SCLT1: variants seen among roughly 807,000 people sequenced by gnomAD.
SCLT1 encodes sodium channel and clathrin linker 1, also known as sodium channel-associated protein 1.
A neutral mutation model predicts 112.8 loss-of-function variants in SCLT1; 78 were observed. That is an observed-to-expected ratio of 0.69 (90% confidence interval 0.58 to 0.83). SCLT1 has a LOEUF of 0.83. Among genes scored for constraint, SCLT1 ranks in the 40% least tolerant of loss-of-function variants. The probability of loss-of-function intolerance (pLI) is 0.00; values close to 1 mark genes in which losing one functional copy is unlikely to be tolerated. For synonymous variants in SCLT1, 257 were observed against 254.7 expected (o/e 1.01, Z -0.09); for missense variants, 747 against 770.4 (o/e 0.97, Z 0.36).
chr4:128,953,092 T>TA (rs1043944480), intron 13 of SCLT1, among the ~76,000 whole-genome samples: 6 of 151,842 alleles, frequency 4.0e-5, no homozygotes, highest in East Asian at 3.9e-4. Context: ...TACCCACAAT[T>TA]AAAAAAAAGA....
At chr4:128,963,385 T>A (rs1161425133) in intron 11 of SCLT1, among the ~76,000 whole-genome samples, 1 of 152,166 alleles carries the variant, frequency 6.6e-6, no homozygotes, top group Non-Finnish European at 1.5e-5. Context: ...TAATCAGATA[T>A]CACCAGATAC....
At chr4:129,019,057 G>A (rs190965526) in intron 5 of SCLT1, among the ~76,000 whole-genome samples, 1 of 152,086 alleles carries the variant, frequency 6.6e-6, no homozygotes, top group Non-Finnish European at 1.5e-5. Flanking sequence ...CTTACCACTT[G>A]TAGTATCATT....
chr4:129,074,331 A>T (rs1751275508), intron 2 of SCLT1, among the ~76,000 whole-genome samples: 1 of 152,210 alleles, frequency 6.6e-6, no homozygotes, highest in Admixed American at 6.5e-5. Context: ...ACAATTGCTA[A>T]GAAAATACGA....
At chr4:129,084,422 T>C (rs1438444499) in intron 1 of SCLT1, among the ~76,000 whole-genome samples, 1 of 99,582 alleles carries the variant, frequency 1.0e-5, no homozygotes, top group East Asian at 3.0e-4. Flanking sequence ...AGATGCTATT[T>C]ATAGTACCAT....
chr4:129,010,920 T>C (rs1744462198), intron 5 of SCLT1, among the ~76,000 whole-genome samples: 1 of 152,202 alleles, frequency 6.6e-6, no homozygotes, highest in Non-Finnish European at 1.5e-5. Flanking sequence ...TTCTTCCTCT[T>C]GCCTGACTGC....
At chr4:129,074,664 G>A (rs1323288923) in intron 2 of SCLT1, among the ~76,000 whole-genome samples, 1 of 152,076 alleles carries the variant, frequency 6.6e-6, no homozygotes, top group African/African-American at 2.4e-5. Flanking sequence ...TGTATTTCTT[G>A]AATCTTAAAT....
intron 1 of SCLT1, among the ~76,000 whole-genome samples, chr4:129,092,148 A>G (rs529554434): frequency 7.9e-5 from 12 of 152,298 alleles, no homozygotes; most frequent in African/African-American, 2.6e-4. Context: ...GCCACTCTCA[A>G]CTGAATTCCT....
rs185339289 is a variant in SCLT1, at chr4:129,056,640, T to C, written c.103-12589A>G. 1.7e-3 allele frequency among the ~76,000 whole-genome samples: 260 copies of C among 152,356 alleles called. 1 individual carries two copies. Among genetic ancestry groups the C allele is most frequent in the Middle Eastern group, 3.4e-3 (1 of 294 alleles). On this transcript the variant is annotated intron_variant, in intron 2 of 20. Coordinates refer to ENST00000281142, the MANE Select transcript of SCLT1 (RefSeq NM_144643.4). The stretch of plus-strand genomic sequence containing the variant: ...TCTTGATTTTTTTCTCCCACTAGTT[T>C]ATTTTAGTGTATAGAAACAATACTA...
chr4:129,056,301 TG>T (rs1437990977), intron 2 of SCLT1, among the ~76,000 whole-genome samples: 1 of 152,218 alleles, frequency 6.6e-6, no homozygotes, highest in Non-Finnish European at 1.5e-5. Flanking sequence ...TGAATGTTCT[TG>T]GCACCTTTTT....
chr4:128,956,930 C>G (rs1739268306), intron 13 of SCLT1, 96 bp downstream of exon 13: 1 of 663,372 alleles, frequency 1.5e-6, no homozygotes, highest in South Asian at 2.2e-5. Context: ...ACTATGTAGG[C>G]AAGTATTTTA....
chr4:129,025,037 T>C (rs1436957327), intron 5 of SCLT1, among the ~76,000 whole-genome samples: 3 of 152,012 alleles, frequency 2.0e-5, no homozygotes, highest in African/African-American at 7.2e-5. Flanking sequence ...CTCCAAGAAA[T>C]ATGGGACTAT....
At chr4:129,023,054 C>T (rs280597) in intron 5 of SCLT1, among the ~76,000 whole-genome samples, 84,926 of 151,926 alleles carry the variant, frequency 0.56, 25,695 homozygotes, top group South Asian at 0.68. Flanking sequence ...CTAAGCTTCA[C>T]AAATGAAGGG....
chr4:128,879,239 C>T (rs1054216319), downstream of SCLT1, among the ~76,000 whole-genome samples: 1 of 152,040 alleles, frequency 6.6e-6, no homozygotes, highest in African/African-American at 2.4e-5. Context: ...GAACGCTGAT[C>T]CTTGAACTGC....
At chr4:128,965,884 T>C (rs1172134267) in intron 10 of SCLT1, among the ~76,000 whole-genome samples, 1 of 149,620 alleles carries the variant, frequency 6.7e-6, no homozygotes, top group Non-Finnish European at 1.5e-5. Flanking sequence ...CAGGCTGCAG[T>C]GCGGTGGTAC....
intron 9 of SCLT1, among the ~76,000 whole-genome samples, chr4:128,975,040 C>CTTTTTTTTTTTTTT (rs34603915): frequency 0.026 from 2,286 of 86,836 alleles, 633 homozygotes; most frequent in African/African-American, 0.079. Context: ...TGAATGACAA[C>CTTTTTTTTTTTTTT]TTTTTTTTTT....
At chr4:129,019,510 ATAG>A (rs1745266129) in intron 5 of SCLT1, among the ~76,000 whole-genome samples, 1 of 152,138 alleles carries the variant, frequency 6.6e-6, no homozygotes, top group Non-Finnish European at 1.5e-5. Context: ...ATCAAATAAG[ATAG>A]AAGAGAGAGT....
intron 9 of SCLT1, chr4:128,971,531 T>A (rs940907212): frequency 1.3e-5 from 2 of 152,172 alleles, no homozygotes; most frequent in Non-Finnish European, 2.9e-5. Context: ...TTAATACTAC[T>A]ATTATATCAA....
intron 5 of SCLT1, among the ~76,000 whole-genome samples, chr4:129,019,544 T>C (rs1204127833): frequency 6.6e-6 from 1 of 152,110 alleles, no homozygotes; most frequent in Non-Finnish European, 1.5e-5. Context: ...TAGTGGCATA[T>C]ATGCCACTAT....
At chr4:128,973,354 T>C (rs931067654) in intron 9 of SCLT1, among the ~76,000 whole-genome samples, 1 of 148,262 alleles carries the variant, frequency 6.7e-6, no homozygotes, top group Non-Finnish European at 1.5e-5. Flanking sequence ...CTTCAGGAGA[T>C]AGCATAGTAC....
Sources: allele counts gnomAD v4.1 joint callset (sites outside exome capture counted in the v4.1 genomes callset), GRCh38; gene constraint gnomAD v4.1.1; transcripts MANE v1.5; gene names NCBI Gene and HGNC (gene_info 2026-07-23, HGNC 2026-07-21).